ANTXRL: variants seen among roughly 807,000 people sequenced by gnomAD.
ANTXRL encodes anthrax toxin receptor-like.
Under a neutral mutation model 75.4 loss-of-function variants are expected in ANTXRL, and 63 were observed. The ratio of observed to expected loss-of-function variants is 0.84; its 90% CI spans 0.68 to 1.03. The LOEUF (loss-of-function observed/expected upper bound fraction) is 1.03. ANTXRL is among the 50% of genes least tolerant of loss of function. ANTXRL has a pLI of 0.00. For synonymous variants in ANTXRL, 335 were observed against 291.3 expected, an observed-to-expected ratio of 1.15 and a Z score of -1.53; for missense variants, 797 against 789.4, an observed-to-expected ratio of 1.01 and a Z score of -0.12.
intron 10 of ANTXRL, among the ~76,000 whole-genome samples, chr10:46,306,168 C>T (rs1309242826): frequency 6.6e-6 from 1 of 152,232 alleles, no homozygotes; most frequent in Admixed American, 6.5e-5. Flanking sequence ...CTTTGCCTGG[C>T]TGGCTCCTCA....
intron 15 of ANTXRL, among the ~76,000 whole-genome samples, chr10:46,311,977 G>A (rs868913950): frequency 6.1e-5 from 9 of 147,132 alleles, no homozygotes; most frequent in African/African-American, 2.2e-4. Flanking sequence ...GGTTCCCACA[G>A]GGGTGCCTCA....
rs74129844 is a variant in ANTXRL at position 46,297,733 on chromosome 10, C to T, written c.655-98C>T. 0.01 allele frequency: 11,488 copies of T among 1,111,862 alleles called. 794 individuals are homozygous for T. In the African/African-American group the frequency reaches 0.15, roughly 15 times the overall value. 68.9% of individuals were successfully genotyped at this position (1,111,862 alleles called of 1,614,324 possible). On this transcript the variant is annotated intron_variant, in intron 7 of 16. Coordinates refer to ENST00000620264, the MANE Select transcript of ANTXRL (RefSeq NM_001278688.3). ...ACATTCAGAGCCTGACATTCTGCTG[C>T]CCCCAAAGCATGAGGGCAAGACACT...
chr10:46,288,294 C>T (rs1271206933), intron 1 of ANTXRL, among the ~76,000 whole-genome samples: 1 of 152,142 alleles, frequency 6.6e-6, no homozygotes, highest in African/African-American at 2.4e-5. Context: ...GCACTCCTGG[C>T]ACCTCACCAC....
At chr10:46,293,556 A>AGTGTGTGCCC (rs1565015978) in intron 2 of ANTXRL, among the ~76,000 whole-genome samples, 16 of 144,314 alleles carry the variant, frequency 1.1e-4, no homozygotes, top group Non-Finnish European at 3.0e-5. Context: ...TATGTGTGTG[A>AGTGTGTGCCC]GTGTGTGCCT....
Position 46,287,211 on chromosome 10 carries a change from G to A in ANTXRL, c.-52G>A, listed in dbSNP as rs111963857. 0.045 allele frequency: 68,627 copies of A among 1,523,516 alleles called. 1,793 individuals carry two copies. Among genetic ancestry groups the A allele is most frequent in the Non-Finnish European group, 0.054 (61,100 of 1,141,442 alleles). 94.4% of individuals were successfully genotyped at this position (1,523,516 alleles called of 1,614,324 possible). Reference sequence around the variant, plus strand: ...AGGGGCCTGTGCTCAGCCTCTCTGGGCCCTGGCACAGGCACCCAAGAGTGA... The same window carrying A: ...AGGGGCCTGTGCTCAGCCTCTCTGGACCCTGGCACAGGCACCCAAGAGTGA... On this transcript the variant is annotated 5_prime_UTR_variant, in exon 1 of 17. Coordinates refer to ENST00000620264, the MANE Select transcript of ANTXRL (RefSeq NM_001278688.3).
At chr10:46,324,743 C>A (rs1209949789) in intron 16 of ANTXRL, among the ~76,000 whole-genome samples, 1 of 152,016 alleles carries the variant, frequency 6.6e-6, no homozygotes, top group Non-Finnish European at 1.5e-5. Context: ...TCATTATGGG[C>A]CTGAGTTTTG....
In ANTXRL at chr10:46,309,130, G is replaced by C. The variant is rs1554962721; in HGVS notation, c.1062G>C (p.Trp354Cys). The C allele has an allele frequency of 6.6e-7, 1 of 1,523,558 alleles. No individual in the cohort carries two copies. Among genetic ancestry groups the C allele is most frequent in the Admixed American group, 2.0e-5 (1 of 50,304 alleles). The allele number at this position is 1,523,558 out of a possible 1,614,324, so 94.4% of individuals were successfully genotyped here. The change falls in exon 13 of 17, where the codon TGG becomes TGC. Residue 354 changes from tryptophan (W) to cysteine (C), a missense_variant. This residue lies in a region of ANTXRL where 479 missense variants were observed against 422.0 expected (regional missense o/e 1.14). Transcript: ENST00000620264. ...TCCACCAGGGCATTTTCCGCAACTGGCTCTATTTTGTGCCACTCCTGCTGC... is the reference window on the plus strand; with the variant it reads ...TCCACCAGGGCATTTTCCGCAACTGCCTCTATTTTGTGCCACTCCTGCTGC... ...TSTTCGIFRNWLYFVPLLLLV... is the reference protein window; with the variant it reads ...TSTTCGIFRNCLYFVPLLLLV...
intron 2 of ANTXRL, among the ~76,000 whole-genome samples, chr10:46,293,513 GTGTGTGTGCCTC>G (rs1837167489): frequency 8.5e-6 from 1 of 118,032 alleles, no homozygotes; most frequent in Non-Finnish European, 1.9e-5. Flanking sequence ...GCACCTGTGT[GTGTGTGTGCCTC>G]TGTGTGTGCA....
At chr10:46,300,633 A>G (rs1837669738) in intron 9 of ANTXRL, among the ~76,000 whole-genome samples, 1 of 151,968 alleles carries the variant, frequency 6.6e-6, no homozygotes, top group East Asian at 1.9e-4. Flanking sequence ...GGCACTCTGC[A>G]AGCCTTGCCT....
Position 46,329,874 on chromosome 10 carries a change from G to A in ANTXRL, c.1686G>A (p.Glu562=), listed in dbSNP as rs1231611539. The change falls in exon 17 of 17, where the codon GAG becomes GAA. Residue 562 remains glutamate, a synonymous_variant. Transcript: ENST00000620264. ...SPRICLRHSP[E]YFSQAQTLCN... ...GGATCTGCCTGAGACACAGCCCGGAGTACTTTTCCCAAGCACAGACTCTGT... is the reference window on the plus strand; with the variant it reads ...GGATCTGCCTGAGACACAGCCCGGAATACTTTTCCCAAGCACAGACTCTGT... 6.5e-7 allele frequency: 1 copy of A among 1,535,176 alleles called. No individual in the cohort carries two copies. The highest frequency in any genetic ancestry group is 8.7e-7 in the Non-Finnish European group (1 of 1,146,374).
intron 10 of ANTXRL, among the ~76,000 whole-genome samples, chr10:46,304,175 T>C (rs1837929089): frequency 6.6e-6 from 1 of 152,150 alleles, no homozygotes; most frequent in Non-Finnish European, 1.5e-5. Context: ...TGAGCACTTA[T>C]ATCAGATATC....
At position 46,311,547 on chromosome 10, in the gene ANTXRL, C is replaced by A. The variant is rs1283364345; in HGVS notation, c.1211C>A (p.Pro404Gln). Reference protein sequence around the residue: ...EQEKPPSPPPPPPPPPPPLPP... With the variant: ...EQEKPPSPPPQPPPPPPPLPP... Reference sequence around the variant, plus strand: ...GAAAAACCACCATCACCACCACCACCGCCTCCGCCTCCACCACCTCCACTC... The same window carrying A: ...GAAAAACCACCATCACCACCACCACAGCCTCCGCCTCCACCACCTCCACTC... The change falls in exon 15 of 17, where the codon CCG (proline) becomes CAG (glutamine). Residue 404 changes from proline (P) to glutamine (Q), a missense_variant. Physicochemically the swap from Pro to Gln is moderately conservative, Grantham distance 76. Transcript: ENST00000620264. 1.2e-5 allele frequency: 18 copies of A among 1,533,718 alleles called. No individual in the cohort carries two copies. Among genetic ancestry groups the A allele is most frequent in the Admixed American group, 3.9e-5 (2 of 50,848 alleles).
At chr10:46,311,418 C>T in intron 14 of ANTXRL, 92 bp from the exon 15 acceptor site, 1 of 1,410,990 alleles carries the variant, frequency 7.1e-7, no homozygotes, top group Non-Finnish European at 9.2e-7. Flanking sequence ...GGGTTTCTTT[C>T]TGGTCCTTTC....
At chr10:46,316,024 C>CTTTG (rs2132857140) in intron 16 of ANTXRL, among the ~76,000 whole-genome samples, 1 of 152,220 alleles carries the variant, frequency 6.6e-6, no homozygotes, top group South Asian at 2.1e-4. Context: ...GTCTCTTGAG[C>CTTTG]CAAACTCTAC....
intron 2 of ANTXRL, among the ~76,000 whole-genome samples, chr10:46,293,399 TGA>T (rs1206898822): frequency 7.3e-5 from 10 of 137,820 alleles, no homozygotes; most frequent in African/African-American, 1.8e-4. Flanking sequence ...CCTGTGTGTG[TGA>T]GTGTGTGCCT....
chr10:46,324,218 G>C (rs1309288360), intron 16 of ANTXRL, among the ~76,000 whole-genome samples: 1 of 152,122 alleles, frequency 6.6e-6, no homozygotes, highest in Non-Finnish European at 1.5e-5. Flanking sequence ...AGACTGTAGG[G>C]TTATTAAGTA....
intron 16 of ANTXRL, among the ~76,000 whole-genome samples, chr10:46,316,451 C>T (rs1206801736): frequency 1.3e-5 from 2 of 152,144 alleles, no homozygotes; most frequent in African/African-American, 4.8e-5. Flanking sequence ...CAGCATCCAA[C>T]AACCTGGCTC....
chr10:46,313,421 C>A, intron 16 of ANTXRL, 105 bp downstream of exon 16: 1 of 1,174,414 alleles, frequency 8.5e-7, no homozygotes, highest in Non-Finnish European at 1.2e-6. Context: ...CAGGCATCTG[C>A]AAAAGAGGAC....
Position 46,287,212 on chromosome 10 carries a change from C to T in ANTXRL, c.-51C>T, listed in dbSNP as rs1554955415. 3.9e-6 allele frequency: 6 copies of T among 1,524,188 alleles called. No homozygotes were observed. The highest frequency in any genetic ancestry group is 1.2e-5 in the South Asian group (1 of 81,584). The allele number at this position is 1,524,188 out of a possible 1,614,324, so 94.4% of individuals were successfully genotyped here. A position where few individuals can be genotyped will look rare whatever the true frequency, so the allele number is the denominator to read the frequency against. On this transcript the variant is annotated 5_prime_UTR_variant, in exon 1 of 17. Transcript: ENST00000620264. ...GGGGCCTGTGCTCAGCCTCTCTGGG[C>T]CCTGGCACAGGCACCCAAGAGTGAG...
Sources: gnomAD v4.1 joint callset for allele counts (sites outside exome capture counted in the v4.1 genomes callset) on GRCh38, gnomAD v4.1.1 for gene constraint, gnomAD v4.1.1 regional missense constraint, MANE v1.5 for transcripts, NCBI Gene and HGNC (gene_info 2026-07-23, HGNC 2026-07-21) for gene names.